TENM3: variants seen among roughly 807,000 people sequenced by gnomAD.
TENM3 encodes teneurin-3.
In TENM3, 63 loss-of-function variants were observed where a neutral mutation model predicts 255.1. That is an observed-to-expected ratio of 0.25 (90% CI 0.20 to 0.30). TENM3 has a LOEUF of 0.30. Among genes scored for constraint, TENM3 ranks in the 10% least tolerant of loss-of-function variants. TENM3 has a pLI of 1.00. For missense variants in TENM3, 2,929 were observed against 3,461.1 expected, an observed-to-expected ratio of 0.85 and a Z score of 3.86; for synonymous variants, 1,306 against 1,322.3, an observed-to-expected ratio of 0.99 and a Z score of 0.27.
chr4:182,541,526 G>T (rs1281777744), intron 3 of TENM3, among the ~76,000 whole-genome samples: 2 of 152,132 alleles, frequency 1.3e-5, no homozygotes, highest in Admixed American at 6.5e-5. Flanking sequence ...AGTTAGATGA[G>T]AACTTCTATT....
the TENM3 span, among the ~76,000 whole-genome samples, chr4:181,973,510 G>C: frequency 6.6e-6 from 1 of 152,182 alleles, no homozygotes; most frequent in Admixed American, 6.5e-5. Context: ...ATCGCTTGAG[G>C]CTGGGAGTTT....
chr4:181,497,783 C>A, the TENM3 span, among the ~76,000 whole-genome samples: 326 of 152,252 alleles, frequency 2.1e-3, no homozygotes, highest in African/African-American at 7.0e-3. Context: ...CCACTTCTTG[C>A]TTTCTATTAA....
chr4:181,680,323 T>C, the TENM3 span, among the ~76,000 whole-genome samples: 5 of 152,126 alleles, frequency 3.3e-5, no homozygotes, highest in Non-Finnish European at 5.9e-5. Flanking sequence ...TTATAAAAAT[T>C]GTCCCAAAGA....
chr4:182,136,504 A>G, the TENM3 span, among the ~76,000 whole-genome samples: 1 of 152,190 alleles, frequency 6.6e-6, no homozygotes, highest in Admixed American at 6.5e-5. Flanking sequence ...TGGGTGGAAG[A>G]TTTACATTTT....
rs200117470 is a variant in TENM3 at position 182,730,204 on chromosome 4, G to T, written c.2590G>T (p.Ala864Ser). Residue 864 changes from alanine to serine, a missense_variant, in exon 15 of 28, where the codon GCA becomes TCA. Ala to Ser is a moderately conservative substitution (Grantham distance 99). This residue lies in a region of TENM3 where 1,608 missense variants were observed against 1,884.4 expected (regional missense o/e 0.85). Transcript: ENST00000511685. Reference protein sequence around the residue: ...PGESPFNKSLASVIRGQVLTA... With the variant: ...PGESPFNKSLSSVIRGQVLTA... ...ATTCTTCTGCTTTTCCAACAGCCTT[G>T]CATCTGTCATCAGAGGCCAAGTACT... 5.3e-4 allele frequency: 858 copies of T among 1,613,712 alleles called. 1 individual carries two copies. The highest frequency in any genetic ancestry group is 6.6e-4 in the Middle Eastern group (4 of 6,060).
chr4:182,718,322 C>T (rs938740174), intron 13 of TENM3, among the ~76,000 whole-genome samples: 2 of 152,172 alleles, frequency 1.3e-5, no homozygotes, highest in African/African-American at 4.8e-5. Flanking sequence ...GCCATCTCCT[C>T]CCCAAAAAGG....
In TENM3 at chr4:182,382,351, C is replaced by T. The variant is rs528638594; in HGVS notation, c.511+35422C>T. On this transcript the variant is annotated intron_variant, in intron 3 of 27. Transcript: ENST00000511685. ...ATCAACTTTGATTGATATTTTTGCA[C>T]CATTTCTTGTTTTTTTTTTTTATAT... Among the ~76,000 whole-genome samples, 3 of 74,020 alleles carry T rather than the reference C, an allele frequency of 4.1e-5. No homozygotes were observed. In the South Asian group the frequency reaches 2.2e-3, roughly 55 times the overall value. The allele number at this position is 74,020 out of a possible 152,430, so 48.6% of individuals were successfully genotyped here. A position where few individuals can be genotyped will look rare whatever the true frequency, so the allele number is the denominator to read the frequency against.
At chr4:181,467,340 G>T in the TENM3 span, among the ~76,000 whole-genome samples, 1 of 150,336 alleles carries the variant, frequency 6.7e-6, no homozygotes, top group East Asian at 2.0e-4. Context: ...TCGCCATGTT[G>T]CCCAGGCTGG....
At chr4:182,665,178 A>G (rs907566615) in intron 6 of TENM3, among the ~76,000 whole-genome samples, 2 of 152,182 alleles carry the variant, frequency 1.3e-5, no homozygotes, top group African/African-American at 4.8e-5. Flanking sequence ...GTTAAAGCCA[A>G]TGCTTATTGA....
At chr4:181,947,457 A>G in the TENM3 span, among the ~76,000 whole-genome samples, 1 of 152,108 alleles carries the variant, frequency 6.6e-6, no homozygotes, top group African/African-American at 2.4e-5. Flanking sequence ...TATTTCTACA[A>G]TCTGTCTCTA....
At chr4:182,553,163 G>A (rs1356413312) in intron 3 of TENM3, among the ~76,000 whole-genome samples, 7 of 152,074 alleles carry the variant, frequency 4.6e-5, no homozygotes, top group Admixed American at 2.0e-4. Context: ...AGGTGTGATC[G>A]TGCACACTGC....
At chr4:182,042,654 C>T in the TENM3 span, among the ~76,000 whole-genome samples, 5 of 152,000 alleles carry the variant, frequency 3.3e-5, no homozygotes, top group African/African-American at 7.2e-5. Context: ...GTAGGAATGT[C>T]GACATTTTTA....
chr4:182,387,397 A>G (rs1343515961), intron 3 of TENM3, among the ~76,000 whole-genome samples: 2 of 152,168 alleles, frequency 1.3e-5, no homozygotes, highest in Non-Finnish European at 1.5e-5. Context: ...TTTTGTATCT[A>G]GCTCAGGGAT....
At chr4:181,503,519 G>A in the TENM3 span, among the ~76,000 whole-genome samples, 3 of 152,142 alleles carry the variant, frequency 2.0e-5, no homozygotes, top group South Asian at 6.2e-4. Context: ...AAGATTAAAG[G>A]GGTCAGATAT....
chr4:181,718,151 A>T, the TENM3 span, among the ~76,000 whole-genome samples: 1 of 152,240 alleles, frequency 6.6e-6, no homozygotes, highest in Admixed American at 6.5e-5. Flanking sequence ...TATGTTTGAA[A>T]GAAATTAGTG....
chr4:181,991,662 G>A, the TENM3 span, among the ~76,000 whole-genome samples: 1 of 152,072 alleles, frequency 6.6e-6, no homozygotes, highest in Non-Finnish European at 1.5e-5. Flanking sequence ...GCACTAATTG[G>A]TTGACATTCT....
chr4:181,640,228 T>C, the TENM3 span, among the ~76,000 whole-genome samples: 2 of 152,138 alleles, frequency 1.3e-5, no homozygotes, highest in African/African-American at 4.8e-5. Context: ...AGCCTGAGAC[T>C]CTGGGGATAG....
chr4:181,615,746 T>C, the TENM3 span, among the ~76,000 whole-genome samples: 4 of 152,306 alleles, frequency 2.6e-5, no homozygotes, highest in South Asian at 2.1e-4. Context: ...GAACAAAATA[T>C]GTTAGTTGAT....
chr4:182,351,761 A>G (rs1765195547), intron 3 of TENM3, among the ~76,000 whole-genome samples: 1 of 152,172 alleles, frequency 6.6e-6, no homozygotes, highest in East Asian at 1.9e-4. Flanking sequence ...TATGGGCACT[A>G]CCACCTCCCG....
Sources: gnomAD v4.1 joint callset for allele counts (sites outside exome capture counted in the v4.1 genomes callset) on GRCh38, gnomAD v4.1.1 for gene constraint, gnomAD v4.1.1 regional missense constraint, MANE v1.5 for transcripts, NCBI Gene and HGNC (gene_info 2026-07-23, HGNC 2026-07-21) for gene names.